SP3: variants seen among roughly 807,000 people sequenced by gnomAD.
SP3 encodes Sp3 transcription factor.
SP3 carries 10 observed loss-of-function variants against 70.3 expected under a neutral mutation model. That is an observed-to-expected ratio of 0.14 (90% CI 0.09 to 0.24). SP3 has a LOEUF of 0.24. Ranked by LOEUF, SP3 falls within the 10% of genes least tolerant of loss-of-function variation. SP3 has a pLI of 1.00. For missense variants in SP3, 825 were observed against 914.6 expected (o/e 0.90, Z 1.26); for synonymous variants, 402 against 333.5 (o/e 1.21, Z -2.24).
At chr2:173,929,067 G>A (rs1330625068) in intron 4 of SP3, among the ~76,000 whole-genome samples, 1 of 152,128 alleles carries the variant, frequency 6.6e-6, no homozygotes, top group Non-Finnish European at 1.5e-5. Context: ...AGTGCCTCAG[G>A]AGTCCAGGCT....
intron 4 of SP3, among the ~76,000 whole-genome samples, chr2:173,926,364 T>C (rs532732618): frequency 1.2e-4 from 18 of 152,350 alleles, no homozygotes; most frequent in East Asian, 9.6e-4. Flanking sequence ...TCGGTTTTCA[T>C]GCCTTCTACC....
At chr2:173,963,180 A>G (rs1691142188) in intron 3 of SP3, 1 of 152,214 alleles carries the variant, frequency 6.6e-6, no homozygotes, top group South Asian at 2.1e-4. Flanking sequence ...TTACAAAAAA[A>G]AAGTCACTGC....
At chr2:173,948,684 T>C (rs868211960) in intron 4 of SP3, among the ~76,000 whole-genome samples, 1 of 152,174 alleles carries the variant, frequency 6.6e-6, no homozygotes, top group Admixed American at 6.6e-5. Flanking sequence ...ACATTAAATA[T>C]TTCCATAATG....
Position 173,901,287 on chromosome 2 carries a change from G to A in SP3, c.*8654C>T. 6.6e-6 allele frequency among the ~76,000 whole-genome samples: 1 copy of A among 151,988 alleles called. No individual in the cohort carries two copies. The highest frequency in any genetic ancestry group is 6.6e-5 in the Admixed American group (1 of 15,258). Reference sequence around the variant, plus strand: ...CTTAAGACACAAAAGCCACAATTCAGATACAATAAAACTTCTGCAAAACAA... The same window carrying A: ...CTTAAGACACAAAAGCCACAATTCAAATACAATAAAACTTCTGCAAAACAA... On this transcript the variant is annotated 3_prime_UTR_variant, in exon 7 of 7. Transcript: ENST00000310015.
chr2:173,919,010 T>G (rs552703338), intron 4 of SP3, among the ~76,000 whole-genome samples: 14 of 152,300 alleles, frequency 9.2e-5, no homozygotes, highest in African/African-American at 3.4e-4. Flanking sequence ...TTAATAACAT[T>G]AATTAGTTCA....
Position 173,957,224 on chromosome 2 carries a change from C to T in SP3, c.280-992G>A, listed in dbSNP as rs190868581. 2.0e-4 allele frequency among the ~76,000 whole-genome samples: 30 copies of T among 152,144 alleles called. 1 individual carries two copies. The East Asian group carries it at 4.4e-3, about 23-fold the overall frequency. ...AAATGACTGAATTCAAACATTTGAA[C>T]GTAATTTACCAAGATGAAATACACA... On this transcript the variant is annotated intron_variant, in intron 3 of 6. Coordinates refer to ENST00000310015, the MANE Select transcript of SP3 (RefSeq NM_003111.5).
intron 4 of SP3, among the ~76,000 whole-genome samples, chr2:173,951,713 A>C (rs1022849471): frequency 6.6e-6 from 1 of 152,184 alleles, no homozygotes; most frequent in Non-Finnish European, 1.5e-5. Context: ...CAAACTTAAC[A>C]GGTGGCAGTT....
At chr2:173,953,654 G>A (rs1281140227) in intron 4 of SP3, among the ~76,000 whole-genome samples, 1 of 152,108 alleles carries the variant, frequency 6.6e-6, no homozygotes, top group Admixed American at 6.6e-5. Context: ...GCTAATCCCA[G>A]TTACTCGAGA....
intron 3 of SP3, 22 bp from the exon 4 acceptor site, chr2:173,956,254 G>A: frequency 6.5e-7 from 1 of 1,550,062 alleles, no homozygotes; most frequent in Non-Finnish European, 8.7e-7. Context: ...AAACAAAAAG[G>A]TGATATATTT....
At chr2:173,964,131 G>C (rs529922384) in intron 2 of SP3, 3 of 362,864 alleles carry the variant, frequency 8.3e-6, no homozygotes, top group African/African-American at 2.1e-5. Flanking sequence ...TGCGCGCCGG[G>C]CCTCCGCCTT....
At chr2:173,954,821 T>C (rs1274899425) in intron 4 of SP3, 52 bp downstream of exon 4, 1 of 1,551,098 alleles carries the variant, frequency 6.4e-7, no homozygotes, top group Non-Finnish European at 8.8e-7. Context: ...AAAATTTCCC[T>C]CTATGTATTA....
intron 4 of SP3, 30 bp from the exon 5 acceptor site, chr2:173,918,815 G>A (rs1445715154): frequency 4.5e-6 from 7 of 1,571,942 alleles, no homozygotes; most frequent in Middle Eastern, 1.7e-4. Context: ...AAATACAGAT[G>A]AGAAGCAACC....
chr2:173,909,238 T>C lies in SP3; in HGVS notation c.*703A>G, dbSNP rs1689409290. The C allele has an allele frequency of 6.6e-6, 1 of 152,596 alleles. No individual in the cohort carries two copies. The highest frequency in any genetic ancestry group is 6.5e-5 in the Admixed American group (1 of 15,288). 9.5% of individuals were successfully genotyped at this position (152,596 alleles called of 1,614,324 possible). On this transcript the variant is annotated 3_prime_UTR_variant, in exon 7 of 7. Transcript: ENST00000310015. ...TAAACTTTTTTAAACATTGGTTATA[T>C]TGCCCAACTTCGTTATTGAAAGAAT...
intron 4 of SP3, among the ~76,000 whole-genome samples, chr2:173,934,646 C>G (rs1226702202): frequency 6.6e-6 from 1 of 151,964 alleles, no homozygotes; most frequent in Non-Finnish European, 1.5e-5. Context: ...GAGGATTACC[C>G]AAGGCCAGGG....
intron 4 of SP3, among the ~76,000 whole-genome samples, chr2:173,949,682 T>C (rs924568171): frequency 2.6e-5 from 4 of 151,984 alleles, no homozygotes; most frequent in African/African-American, 9.7e-5. Context: ...AAAGCCTGCC[T>C]TTTATAAGGC....
At chr2:173,932,645 A>G (rs1690098565) in intron 4 of SP3, among the ~76,000 whole-genome samples, 1 of 152,188 alleles carries the variant, frequency 6.6e-6, no homozygotes, top group Non-Finnish European at 1.5e-5. Context: ...GCCCCAAGAC[A>G]ATTACAACAG....
Position 173,902,846 on chromosome 2 carries a change from T to C in SP3, c.*7095A>G, listed in dbSNP as rs1444583456. ...TCAAATTCAGAGCTGCAATTACTTA[T>C]GTGGGTAAAGGGAGACAAATGAAAT... is the stretch of plus-strand genomic sequence containing the variant. On this transcript the variant is annotated 3_prime_UTR_variant, in exon 7 of 7. Coordinates refer to ENST00000310015, the MANE Select transcript of SP3 (RefSeq NM_003111.5). Among the ~76,000 whole-genome samples, 1 of 152,176 alleles carries C rather than the reference T, an allele frequency of 6.6e-6. No individual in the cohort carries two copies. The highest frequency in any genetic ancestry group is 1.5e-5 in the Non-Finnish European group (1 of 68,022).
chr2:173,922,115 GAC>G lies in SP3; in HGVS notation c.1640-3332_1640-3331del, dbSNP rs534640864. Among the ~76,000 whole-genome samples, 327 of 152,256 alleles carry G rather than the reference GAC, an allele frequency of 2.1e-3. 3 individuals carry two copies. Among genetic ancestry groups the G allele is most frequent in the African/African-American group, 7.6e-3 (314 of 41,552 alleles). On this transcript the variant is annotated intron_variant, in intron 4 of 6. Transcript: ENST00000310015. ...CTATATAGTAATACAGGAATGGCCT[GAC>G]ACAGTCTTAAAAAGAGATGATAGTG...
intron 6 of SP3, among the ~76,000 whole-genome samples, chr2:173,912,587 A>G (rs1294024829): frequency 6.6e-6 from 1 of 152,220 alleles, no homozygotes; most frequent in Non-Finnish European, 1.5e-5. Flanking sequence ...ATAATCAGAG[A>G]AAGTCTTCAC....
Sources: gnomAD v4.1 joint callset for allele counts (sites outside exome capture counted in the v4.1 genomes callset) on GRCh38, gnomAD v4.1.1 for gene constraint, MANE v1.5 for transcripts, NCBI Gene and HGNC (gene_info 2026-07-23, HGNC 2026-07-21) for gene names.